Variants in TSPEAR observed in about 807,000 individuals in gnomAD.
The protein encoded by TSPEAR is thrombospondin type laminin G domain and EAR repeats.
Under a neutral mutation model 71.6 loss-of-function variants are expected in TSPEAR, and 69 were observed. The ratio of observed to expected loss-of-function variants is 0.96; its 90% confidence interval spans 0.79 to 1.18. TSPEAR has a LOEUF of 1.18. Among genes scored for constraint, TSPEAR ranks in the 50% most tolerant of loss-of-function variants. TSPEAR has a pLI of 0.00. For missense variants in TSPEAR, 971 were observed against 894.9 expected (o/e 1.09, Z -1.09); for synonymous variants, 402 against 387.2 (o/e 1.04, Z -0.45).
chr21:44,500,514 C>T (rs1601309808), intron 11 of TSPEAR, among the ~76,000 whole-genome samples: 1 of 152,314 alleles, frequency 6.6e-6, no homozygotes, highest in East Asian at 1.9e-4. Flanking sequence ...TCAAAGGGCA[C>T]GAGTTGTTTA....
At chr21:44,605,494 AAC>A (rs1981248608) in intron 1 of TSPEAR, among the ~76,000 whole-genome samples, 1 of 152,252 alleles carries the variant, frequency 6.6e-6, no homozygotes, top group South Asian at 2.1e-4. Context: ...CTGAATAGCC[AAC>A]ACAGTTTTGA....
At chr21:44,691,805 C>T (rs1396044633) in intron 1 of TSPEAR, among the ~76,000 whole-genome samples, 2 of 152,182 alleles carry the variant, frequency 1.3e-5, no homozygotes, top group East Asian at 1.9e-4. Flanking sequence ...TTAACAAAAA[C>T]CTCCTCAAGT....
At chr21:44,536,971 T>A (rs370166201) in intron 2 of TSPEAR, among the ~76,000 whole-genome samples, 1 of 152,300 alleles carries the variant, frequency 6.6e-6, no homozygotes, top group Non-Finnish European at 1.5e-5. Flanking sequence ...AAAACATCCC[T>A]ATGAAATACC....
intron 1 of TSPEAR, chr21:44,681,913 G>A (rs1448047448): frequency 6.2e-7 from 1 of 1,614,020 alleles, no homozygotes; most frequent in African/African-American, 1.3e-5. Flanking sequence ...CCAGAGGACT[G>A]GCAGGAGGGA....
chr21:44,528,640 C>A, intron 5 of TSPEAR, 57 bp from the exon 6 acceptor site: 2 of 1,596,628 alleles, frequency 1.3e-6, no homozygotes, highest in Non-Finnish European at 8.5e-7. Context: ...CAAAGGAAGA[C>A]GACACAGGAA....
intron 1 of TSPEAR, chr21:44,702,390 C>G: frequency 6.2e-7 from 1 of 1,606,486 alleles, no homozygotes; most frequent in Non-Finnish European, 8.5e-7. Flanking sequence ...GTGAGCCCAG[C>G]TCCTGCACGC....
intron 2 of TSPEAR, among the ~76,000 whole-genome samples, chr21:44,552,421 C>A (rs1449567868): frequency 6.6e-6 from 1 of 152,164 alleles, no homozygotes; most frequent in Non-Finnish European, 1.5e-5. Context: ...AGTGTCCTTC[C>A]AGCCTCTTTC....
At chr21:44,696,138 A>G (rs1365133868) in intron 1 of TSPEAR, among the ~76,000 whole-genome samples, 3 of 152,166 alleles carry the variant, frequency 2.0e-5, no homozygotes, top group Non-Finnish European at 4.4e-5. Context: ...CCCACTCATA[A>G]ATAAACCCAA....
chr21:44,660,114 A>G (rs587665989), intron 1 of TSPEAR, among the ~76,000 whole-genome samples: 20 of 152,336 alleles, frequency 1.3e-4, no homozygotes, highest in Admixed American at 5.9e-4. Context: ...AGAAGGGTGG[A>G]GGGAGACAAG....
In TSPEAR at chr21:44,612,272, T is replaced by A; in HGVS notation, c.83-44267A>T. 1.2e-6 allele frequency: 2 copies of A among 1,613,514 alleles called. No homozygotes were observed. Among genetic ancestry groups the A allele is most frequent in the Non-Finnish European group, 1.7e-6 (2 of 1,179,974 alleles). On this transcript the variant is annotated intron_variant, in intron 1 of 11. Transcript: ENST00000323084. This position sits in a 1 kb window ranked among gnomAD's most constrained non-coding sequence, Gnocchi z 4.1. ...CTGCTGCGAGCCCCGCTCCTGTGCC[T>A]CCAGCTGCTGTACCCCTAGCTGCTG...
chr21:44,621,829 TGG>T (rs1982455605), intron 1 of TSPEAR, among the ~76,000 whole-genome samples: 1 of 152,198 alleles, frequency 6.6e-6, no homozygotes, highest in Non-Finnish European at 1.5e-5. Flanking sequence ...TCCTTTTGTG[TGG>T]ATTCGGTGTC....
intron 9 of TSPEAR, among the ~76,000 whole-genome samples, chr21:44,513,671 C>A (rs587686096): frequency 6.6e-6 from 1 of 152,180 alleles, no homozygotes; most frequent in Non-Finnish European, 1.5e-5. Context: ...GGTGGGCACC[C>A]GGTAATCAGT....
At position 44,499,895 on chromosome 21, in the gene TSPEAR, G is replaced by T; in HGVS notation, c.1898C>A (p.Pro633His). 6.2e-7 allele frequency: 1 copy of T among 1,607,838 alleles called. No homozygotes were observed. The highest frequency in any genetic ancestry group is 2.2e-5 in the East Asian group (1 of 44,500). Residue 633 changes from proline (P) to histidine (H), a missense_variant, in exon 12 of 12, where the codon CCC becomes CAC. Physicochemically the swap from Pro to His is moderately conservative, Grantham distance 77 (BLOSUM62 -2). Coordinates refer to ENST00000323084, the MANE Select transcript of TSPEAR (RefSeq NM_144991.3). ...YEGFVAVHSL[P>H]TVGCRDWEAF... is the part of the protein sequence containing the mutation. ...CTCCCAGTCCCTGCAGCCGACGGTG[G>T]GGAGGCTGTGCACCGCCACGAAGCC...
intron 1 of TSPEAR, among the ~76,000 whole-genome samples, chr21:44,617,254 CAG>C (rs1982164067): frequency 6.6e-6 from 1 of 152,258 alleles, no homozygotes; most frequent in Non-Finnish European, 1.5e-5. Flanking sequence ...CCAGCTGTCC[CAG>C]CGCTCAGGGA....
chr21:44,698,916 A>C (rs1339403344), intron 1 of TSPEAR, among the ~76,000 whole-genome samples: 3 of 152,242 alleles, frequency 2.0e-5, no homozygotes, highest in Non-Finnish European at 4.4e-5. Flanking sequence ...ATTAAAAATA[A>C]AAAGGCCAGG....
At chr21:44,666,663 C>T in intron 1 of TSPEAR, 1 of 1,613,290 alleles carries the variant, frequency 6.2e-7, no homozygotes, top group Non-Finnish European at 8.5e-7. Context: ...CACGGGCACG[C>T]ACACAGCTGA....
chr21:44,701,315 C>T (rs1268597626), intron 1 of TSPEAR, among the ~76,000 whole-genome samples: 1 of 152,196 alleles, frequency 6.6e-6, no homozygotes, highest in East Asian at 1.9e-4. Context: ...TGCTGATTTA[C>T]AGTCATCCTA....
chr21:44,671,687 T>C (rs956439017), intron 1 of TSPEAR, among the ~76,000 whole-genome samples: 5 of 152,018 alleles, frequency 3.3e-5, no homozygotes, highest in Admixed American at 1.3e-4. Context: ...CATAGACACA[T>C]CTGCAGGAAA....
intron 1 of TSPEAR, among the ~76,000 whole-genome samples, chr21:44,581,512 T>C (rs1402863710): frequency 3.9e-5 from 6 of 152,206 alleles, no homozygotes; most frequent in African/African-American, 1.4e-4. Flanking sequence ...AGGTTGGTCA[T>C]TTGTCATTTT....
Sources: gnomAD v4.1 joint callset for allele counts (sites outside exome capture counted in the v4.1 genomes callset) on GRCh38, gnomAD v4.1.1 for gene constraint, Gnocchi (gnomAD v3.1) non-coding constraint, MANE v1.5 for transcripts, NCBI Gene and HGNC (gene_info 2026-07-23, HGNC 2026-07-21) for gene names.